TMEM132B: variants seen among roughly 807,000 people sequenced by gnomAD.
The protein encoded by TMEM132B is transmembrane protein 132B.
In TMEM132B, 18 loss-of-function variants were observed where a neutral mutation model predicts 90.8. The observed-to-expected ratio is 0.20, with a 90% CI of 0.14 to 0.29. TMEM132B has a LOEUF of 0.29. TMEM132B is among the 10% of genes least tolerant of loss of function. The probability of loss-of-function intolerance (pLI) is 1.00; values close to 1 mark genes in which losing one functional copy is unlikely to be tolerated. For missense variants in TMEM132B, 1,096 were observed against 1,326.8 expected (o/e 0.83, Z 2.70); for synonymous variants, 504 against 523.3 (o/e 0.96, Z 0.50).
chr12:125,435,368 T>A (rs752676907), intron 3 of TMEM132B, among the ~76,000 whole-genome samples: 8 of 152,108 alleles, frequency 5.3e-5, no homozygotes, highest in Non-Finnish European at 1.2e-4. Flanking sequence ...AAAGAGAGAC[T>A]GGGGTGCGGA....
chr12:125,485,868 G>A (rs1161171702), intron 3 of TMEM132B, among the ~76,000 whole-genome samples: 16 of 152,234 alleles, frequency 1.1e-4, no homozygotes, highest in African/African-American at 3.6e-4. Flanking sequence ...TCTTTGATTC[G>A]AAGAACCAAT....
In TMEM132B at chr12:125,631,525, A is replaced by T. The variant is rs538103009; in HGVS notation, c.1438-12551A>T. Among the ~76,000 whole-genome samples, 138 of 152,274 alleles carry T rather than the reference A, an allele frequency of 9.1e-4. 2 individuals carry two copies. In the South Asian group the frequency reaches 0.021, roughly 23 times the overall value. On this transcript the variant is annotated intron_variant, in intron 5 of 8. Coordinates refer to ENST00000682704, the MANE Select transcript of TMEM132B (RefSeq NM_001366854.1). Reference sequence around the variant, plus strand: ...ATCCATTTGGTCTATAGTGCAGATTAAGTCCACTGTTTCTTTGTTGATTTT... The same window carrying T: ...ATCCATTTGGTCTATAGTGCAGATTTAGTCCACTGTTTCTTTGTTGATTTT...
intron 5 of TMEM132B, among the ~76,000 whole-genome samples, chr12:125,628,388 C>T (rs1886283556): frequency 6.6e-6 from 1 of 152,144 alleles, no homozygotes; most frequent in Non-Finnish European, 1.5e-5. Context: ...TTGCATTTCT[C>T]TGATGATCAG....
At chr12:125,639,893 G>A (rs1886584225) in intron 5 of TMEM132B, among the ~76,000 whole-genome samples, 1 of 152,184 alleles carries the variant, frequency 6.6e-6, no homozygotes, top group South Asian at 2.1e-4. Flanking sequence ...CATAGACCAA[G>A]ATGGCTTTAG....
At chr12:125,188,367 T>G (rs67041765) in intron 1 of TMEM132B, among the ~76,000 whole-genome samples, 43,173 of 152,098 alleles carry the variant, frequency 0.28, 6,590 homozygotes, top group East Asian at 0.47. Flanking sequence ...CCCTGGGACC[T>G]GTTTGCAAAA....
At chr12:125,454,391 T>TG (rs36015767) in intron 3 of TMEM132B, among the ~76,000 whole-genome samples, 13,742 of 106,494 alleles carry the variant, frequency 0.13, 839 homozygotes, top group Admixed American at 0.2. Context: ...TGTGTGTGTG[T>TG]TTGTGTGTGT....
At chr12:125,373,729 C>T (rs890243297) in intron 2 of TMEM132B, among the ~76,000 whole-genome samples, 1 of 152,204 alleles carries the variant, frequency 6.6e-6, no homozygotes, top group Non-Finnish European at 1.5e-5. Context: ...GTCCCCTCCC[C>T]TTTCTAACCT....
chr12:125,606,853 G>A (rs1885708819), intron 5 of TMEM132B, among the ~76,000 whole-genome samples: 1 of 152,216 alleles, frequency 6.6e-6, no homozygotes, highest in African/African-American at 2.4e-5. Flanking sequence ...AGGAGCTTCT[G>A]TCCCAGAAGA....
chr12:125,338,907 G>A (rs371866380), intron 1 of TMEM132B, among the ~76,000 whole-genome samples: 26 of 152,110 alleles, frequency 1.7e-4, no homozygotes, highest in African/African-American at 5.3e-4. Flanking sequence ...AGTAAATTCC[G>A]TATCCTTCTT....
chr12:125,350,981 G>A (rs1353612782), intron 2 of TMEM132B, among the ~76,000 whole-genome samples: 1 of 152,232 alleles, frequency 6.6e-6, no homozygotes, highest in Non-Finnish European at 1.5e-5. Flanking sequence ...GCTGCTAGAA[G>A]CCATATTAGA....
At chr12:125,543,575 A>C (rs750405208) in intron 4 of TMEM132B, among the ~76,000 whole-genome samples, 2 of 152,218 alleles carry the variant, frequency 1.3e-5, no homozygotes, top group Non-Finnish European at 2.9e-5. Context: ...AGTGCTTTTT[A>C]AATACCTTCT....
chr12:125,657,881 G>A lies in TMEM132B; in HGVS notation c.*3171G>A, dbSNP rs1224158318. ...CCAGCGTATGACCTGGAACCATTGAGGATTGCAACCGCTGCCTCCAGGGTC... is the reference window on the plus strand; with the variant it reads ...CCAGCGTATGACCTGGAACCATTGAAGATTGCAACCGCTGCCTCCAGGGTC... On this transcript the variant is annotated 3_prime_UTR_variant, in exon 9 of 9. Transcript: ENST00000682704. 1 of 152,328 alleles carries A rather than the reference G, an allele frequency of 6.6e-6. No homozygotes were observed. The highest frequency in any genetic ancestry group is 1.9e-4 in the East Asian group (1 of 5,188). The allele number at this position is 152,328 out of a possible 1,614,324, so 9.4% of individuals were successfully genotyped here. A position where few individuals can be genotyped will look rare whatever the true frequency, so the allele number is the denominator to read the frequency against.
At chr12:125,617,020 G>T (rs77696535) in intron 5 of TMEM132B, among the ~76,000 whole-genome samples, 2,916 of 152,282 alleles carry the variant, frequency 0.019, 95 homozygotes, top group African/African-American at 0.067. Context: ...CCAGAACCAT[G>T]AGAAATAAAT....
chr12:125,394,307 A>AT (rs1879111108), intron 2 of TMEM132B, among the ~76,000 whole-genome samples: 1 of 152,162 alleles, frequency 6.6e-6, no homozygotes, highest in South Asian at 2.1e-4. Context: ...TGCTTGACAG[A>AT]TTTTGGACTT....
rs1366967475 is a variant in TMEM132B at position 125,661,901 on chromosome 12, C to T, written c.*7191C>T. ...ATGGCAAATAATTTTTACAATACTG[C>T]TCATGTTTAATGTGTGTCTACAGGG... On this transcript the variant is annotated 3_prime_UTR_variant, in exon 9 of 9. Transcript: ENST00000682704. The T allele has an allele frequency of 1.3e-5, 2 of 152,202 alleles. No homozygotes were observed. Among genetic ancestry groups the T allele is most frequent in the African/African-American group, 4.8e-5 (2 of 41,440 alleles). The allele number at this position is 152,202 out of a possible 1,614,324, so 9.4% of individuals were successfully genotyped here. A position where few individuals can be genotyped will look rare whatever the true frequency, so the allele number is the denominator to read the frequency against.
In TMEM132B at chr12:125,288,016, T is replaced by C. The variant is rs1875412177; in HGVS notation, c.68-61436T>C. Among the ~76,000 whole-genome samples the C allele has an allele frequency of 2.6e-5, 4 of 152,006 alleles. No individual in the cohort carries two copies. The South Asian group carries it at 8.3e-4, about 32-fold the overall frequency. ...CTGAGTAGCTGGGACTATAGGTGCC[T>C]GGTACCACCATGTTCAGCTAATTTT... On this transcript the variant is annotated intron_variant, in intron 1 of 8. Transcript: ENST00000682704.
chr12:125,299,197 G>C (rs7313511), intron 1 of TMEM132B, among the ~76,000 whole-genome samples: 125,733 of 152,128 alleles, frequency 0.83, 52,338 homozygotes, highest in African/African-American at 0.92. Flanking sequence ...CCGCTTTTAT[G>C]AGGCTGTACC....
At chr12:125,507,380 A>G (rs147014615) in intron 3 of TMEM132B, among the ~76,000 whole-genome samples, 206 of 152,348 alleles carry the variant, frequency 1.4e-3, no homozygotes, top group Non-Finnish European at 2.3e-3. Context: ...AATAGCCCAA[A>G]GAAAGGTAAT....
intron 5 of TMEM132B, among the ~76,000 whole-genome samples, chr12:125,597,086 A>T (rs2136909454): frequency 6.6e-6 from 1 of 152,328 alleles, no homozygotes; most frequent in South Asian, 2.1e-4. Flanking sequence ...CATGGAGTGA[A>T]AGAATTTTGG....
Sources: allele counts gnomAD v4.1 joint callset (sites outside exome capture counted in the v4.1 genomes callset), GRCh38; gene constraint gnomAD v4.1.1; transcripts MANE v1.5; gene names NCBI Gene and HGNC (gene_info 2026-07-23, HGNC 2026-07-21).